SPPL2B: variants seen among roughly 807,000 people sequenced by gnomAD.
SPPL2B encodes signal peptide peptidase like 2B.
In SPPL2B, 39 loss-of-function variants were observed where a neutral mutation model predicts 59.7. That is an observed-to-expected ratio of 0.65 (90% CI 0.51 to 0.85). The LOEUF (loss-of-function observed/expected upper bound fraction) is 0.85. Among genes scored for constraint, SPPL2B ranks in the 40% least tolerant of loss-of-function variants. The pLI is 0.00. For missense variants in SPPL2B, 865 were observed against 849.0 expected, an observed-to-expected ratio of 1.02 and a Z score of -0.23; for synonymous variants, 419 against 370.8, an observed-to-expected ratio of 1.13 and a Z score of -1.49.
At chr19:2,350,279 C>G (rs868108344) in intron 13 of SPPL2B, among the ~76,000 whole-genome samples, 2 of 150,724 alleles carry the variant, frequency 1.3e-5, no homozygotes, top group Admixed American at 1.3e-4. Flanking sequence ...TCCGTTCTCT[C>G]TCTCCACACA....
rs952264916 is a variant in SPPL2B at position 2,339,179 on chromosome 19, C to G, written c.570C>G (p.Gly190=). ...CTGTGGGCACCGTCGCCATCGGCGGCTACTGGGCCGGGAGTCGGGACGTGA... is the reference window on the plus strand; with the variant it reads ...CTGTGGGCACCGTCGCCATCGGCGGGTACTGGGCCGGGAGTCGGGACGTGA... The part of the protein sequence containing the change: ...IMAVGTVAIG[G]YWAGSRDVKK... The change falls in exon 5 of 15, where the codon GGC becomes GGG. Residue 190 remains glycine (G), a synonymous_variant. Coordinates refer to ENST00000613503, the MANE Select transcript of SPPL2B (RefSeq NM_152988.3). 1.9e-6 allele frequency: 3 copies of G among 1,604,502 alleles called. No homozygotes were observed. Among genetic ancestry groups the G allele is most frequent in the Non-Finnish European group, 2.6e-6 (3 of 1,175,960 alleles).
chr19:2,337,709 T>A, intron 3 of SPPL2B, 84 bp downstream of exon 3: 1 of 1,346,394 alleles, frequency 7.4e-7, no homozygotes, highest in Non-Finnish European at 9.9e-7. Flanking sequence ...CAGCTGGGGC[T>A]GGTCTTCCGA....
intron 1 of SPPL2B, among the ~76,000 whole-genome samples, chr19:2,329,160 C>A (rs1462755323): frequency 6.6e-6 from 1 of 152,256 alleles, no homozygotes; most frequent in East Asian, 1.9e-4. Flanking sequence ...CTCAGTTTCC[C>A]CTTAGGCGGA....
rs944833780 is a variant in SPPL2B, at chr19:2,355,039, C to A, written c.*1830C>A. Among the ~76,000 whole-genome samples the A allele has an allele frequency of 1.3e-5, 2 of 152,238 alleles. No homozygotes were observed. The highest frequency in any genetic ancestry group is 6.5e-5 in the Admixed American group (1 of 15,286). On this transcript the variant is annotated 3_prime_UTR_variant, in exon 15 of 15. Coordinates refer to ENST00000613503, the MANE Select transcript of SPPL2B (RefSeq NM_152988.3). Reference sequence around the variant, plus strand: ...CTGCCACTGTTGCTGGAAAGCATCACAGACCATGTGTAAAATGGGCCAAAA... The same window carrying A: ...CTGCCACTGTTGCTGGAAAGCATCAAAGACCATGTGTAAAATGGGCCAAAA...
chr19:2,345,973 C>T (rs1156643706), intron 13 of SPPL2B, among the ~76,000 whole-genome samples: 1 of 152,142 alleles, frequency 6.6e-6, no homozygotes, highest in Non-Finnish European at 1.5e-5. Flanking sequence ...TTTTCCCTGG[C>T]TTCCATTGTT....
At chr19:2,347,357 C>CAT (rs1969463158) in intron 13 of SPPL2B, among the ~76,000 whole-genome samples, 1 of 47,636 alleles carries the variant, frequency 2.1e-5, no homozygotes, top group African/African-American at 7.8e-5. Context: ...TCTCTCTCCA[C>CAT]ACACACACAC....
At chr19:2,335,344 T>C (rs1182245508) in intron 2 of SPPL2B, among the ~76,000 whole-genome samples, 4 of 97,974 alleles carry the variant, frequency 4.1e-5, no homozygotes, top group Admixed American at 1.1e-4. Flanking sequence ...CATTTCCCAC[T>C]GCATCCTTCA....
intron 14 of SPPL2B, among the ~76,000 whole-genome samples, chr19:2,352,618 A>G (rs1325236063): frequency 1.3e-5 from 2 of 152,008 alleles, no homozygotes; most frequent in African/African-American, 4.8e-5. Flanking sequence ...CCCCATTCTG[A>G]TGGGCATTTC....
chr19:2,338,536 G>T, intron 3 of SPPL2B: 1 of 518,642 alleles, frequency 1.9e-6, no homozygotes, highest in Non-Finnish European at 3.5e-6. Flanking sequence ...GGGCCCTGTT[G>T]TCAGGTGAAG....
chr19:2,350,948 C>T (rs762590775), intron 13 of SPPL2B, among the ~76,000 whole-genome samples: 32 of 152,186 alleles, frequency 2.1e-4, no homozygotes, highest in Non-Finnish European at 3.8e-4. Flanking sequence ...GGGTGGACAC[C>T]GTGCCCTTTG....
chr19:2,341,036 C>A, intron 8 of SPPL2B, 22 bp downstream of exon 8: 1 of 1,570,600 alleles, frequency 6.4e-7, no homozygotes, highest in Non-Finnish European at 8.7e-7. Flanking sequence ...TTCCCCCGGG[C>A]CCCGGCGGGC....
chr19:2,341,830 G>A, intron 8 of SPPL2B: 1 of 339,946 alleles, frequency 2.9e-6, no homozygotes, highest in Non-Finnish European at 5.9e-6. Flanking sequence ...TGGGCGCAGG[G>A]GCTCACGCCT....
rs773772403 is a variant in SPPL2B, at chr19:2,339,189, G to A, written c.580G>A (p.Gly194Arg). Residue 194 changes from glycine (G) to arginine (R), a missense_variant, in exon 5 of 15, where the codon GGG (glycine) becomes AGG (arginine). Physicochemically the swap from Gly to Arg is moderately radical, Grantham distance 125. Coordinates refer to ENST00000613503, the MANE Select transcript of SPPL2B (RefSeq NM_152988.3). ...CGTCGCCATCGGCGGCTACTGGGCC[G>A]GGAGTCGGGACGTGAAGAAGTGAGT... is the stretch of plus-strand genomic sequence containing the variant. Reference protein sequence around the residue: ...GTVAIGGYWAGSRDVKKRYMK... With the variant: ...GTVAIGGYWARSRDVKKRYMK... 18 of 1,603,198 alleles carry A rather than the reference G, an allele frequency of 1.1e-5. No individual in the cohort carries two copies. Among genetic ancestry groups the A allele is most frequent in the East Asian group, 2.3e-5 (1 of 44,340 alleles).
Position 2,353,323 on chromosome 19 carries a change from G to A in SPPL2B, c.*114G>A, listed in dbSNP as rs1183809978. 23 of 1,267,694 alleles carry A rather than the reference G, an allele frequency of 1.8e-5. No individual in the cohort carries two copies. Among genetic ancestry groups the A allele is most frequent in the Middle Eastern group, 2.8e-4 (1 of 3,584 alleles). The allele number at this position is 1,267,694 out of a possible 1,614,324, so 78.5% of individuals were successfully genotyped here. On this transcript the variant is annotated 3_prime_UTR_variant, in exon 15 of 15. Transcript: ENST00000613503. ...GTCCCCCGGGACCGAGGCCTGTGCC[G>A]TCCCCACCCGCCCCAACATGGTGCT...
At position 2,351,686 on chromosome 19, in the gene SPPL2B, C is replaced by T. The variant is rs145359810; in HGVS notation, c.1515+92C>T. 3,267 of 1,508,930 alleles carry T rather than the reference C, an allele frequency of 2.2e-3. 48 individuals carry two copies. In the East Asian group the frequency reaches 0.041, roughly 19 times the overall value. The allele number at this position is 1,508,930 out of a possible 1,614,324, so 93.5% of individuals were successfully genotyped here. ...GAGTGAGACCTCCAGCCACAGCCAG[C>T]CCTGCGGCCGCGACGGGGCTCAGGG... On this transcript the variant is annotated intron_variant, in intron 14 of 14. Transcript: ENST00000613503.
intron 2 of SPPL2B, chr19:2,337,211 A>G (rs1436571615): frequency 2.7e-5 from 12 of 442,316 alleles, no homozygotes; most frequent in Non-Finnish European, 4.4e-5. Flanking sequence ...GGGGACAGCC[A>G]TGTCTGTGAG....
At chr19:2,349,193 C>T (rs577635213) in intron 13 of SPPL2B, among the ~76,000 whole-genome samples, 3 of 36,638 alleles carry the variant, frequency 8.2e-5, no homozygotes. Flanking sequence ...CGCTGTCATT[C>T]GCTTGATTCC....
At chr19:2,334,860 G>A in intron 2 of SPPL2B, 139 bp downstream of exon 2, 1 of 1,162,172 alleles carries the variant, frequency 8.6e-7, no homozygotes, top group Non-Finnish European at 1.2e-6. Flanking sequence ...ACTCTTAGCT[G>A]GCCCCCAGTT....
chr19:2,341,006 C>G lies in SPPL2B; in HGVS notation c.948C>G (p.Asn316Lys). The G allele has an allele frequency of 6.2e-7, 1 of 1,603,390 alleles. No individual in the cohort carries two copies. Among genetic ancestry groups the G allele is most frequent in the Non-Finnish European group, 8.5e-7 (1 of 1,178,858 alleles). The part of the protein sequence containing the change: ...AVSVVWGVFR[N>K]EDQWAWVLQD... The stretch of plus-strand genomic sequence containing the variant: ...GCGTGGTGTGGGGCGTCTTCCGCAA[C>G]GAGGACCAGTAAGTGCTGCTTCCCC... The change falls in exon 8 of 15, where the codon AAC becomes AAG. Residue 316 changes from asparagine (N) to lysine (K), a missense_variant. Asn to Lys is a moderately conservative substitution (Grantham distance 94). Coordinates refer to ENST00000613503, the MANE Select transcript of SPPL2B (RefSeq NM_152988.3).
Sources: gnomAD v4.1 joint callset for allele counts (sites outside exome capture counted in the v4.1 genomes callset) on GRCh38, gnomAD v4.1.1 for gene constraint, MANE v1.5 for transcripts, NCBI Gene and HGNC (gene_info 2026-07-23, HGNC 2026-07-21) for gene names.